DOT1L: variants seen among roughly 807,000 people sequenced by gnomAD.
The protein encoded by DOT1L is histone-lysine N-methyltransferase, H3 lysine-79 specific.
In DOT1L, 33 loss-of-function variants were observed where a neutral mutation model predicts 153.3. The ratio of observed to expected loss-of-function variants is 0.22; its 90% CI spans 0.16 to 0.29. The LOEUF is 0.29. Among genes scored for constraint, DOT1L ranks in the 10% least tolerant of loss-of-function variants. The pLI is 1.00. For synonymous variants in DOT1L, 1,135 were observed against 965.1 expected, an observed-to-expected ratio of 1.18 and a Z score of -3.26; for missense variants, 1,847 against 2,119.9, an observed-to-expected ratio of 0.87 and a Z score of 2.53.
chr19:2,202,966 G>A (rs1036013720), intron 9 of DOT1L, among the ~76,000 whole-genome samples, 187 bp downstream of exon 9: 1 of 152,170 alleles, frequency 6.6e-6, no homozygotes. Flanking sequence ...CTGTCACCCA[G>A]GCTGGAGTGT....
At chr19:2,227,670 GCTGCTGCT>G (rs1378083640) in intron 27 of DOT1L, 2 of 1,276,086 alleles carry the variant, frequency 1.6e-6, no homozygotes, top group African/African-American at 3.2e-5. Context: ...TGAGCCTGCG[GCTGCTGCT>G]CTGCGCTTGC....
At chr19:2,196,725 C>T (rs1355209750) in intron 7 of DOT1L, among the ~76,000 whole-genome samples, 2 of 152,188 alleles carry the variant, frequency 1.3e-5, no homozygotes, top group Non-Finnish European at 2.9e-5. Flanking sequence ...CTCCCTTTCC[C>T]GTACCCTCGT....
chr19:2,201,585 G>A (rs182297229), intron 8 of DOT1L, among the ~76,000 whole-genome samples: 157 of 152,336 alleles, frequency 1.0e-3, no homozygotes, highest in African/African-American at 3.3e-3. Flanking sequence ...TTGGGGTGCT[G>A]TGCCCGCCGG....
At chr19:2,216,217 C>G in intron 19 of DOT1L, 64 bp from the exon 20 acceptor site, 1 of 1,503,800 alleles carries the variant, frequency 6.6e-7, no homozygotes, top group Non-Finnish European at 8.9e-7. Flanking sequence ...CCATCTGTGG[C>G]AGTCTTGGTT....
chr19:2,191,375 C>A lies in DOT1L; in HGVS notation c.493+135C>A. 1 of 906,164 alleles carries A rather than the reference C, an allele frequency of 1.1e-6. No homozygotes were observed. The highest frequency in any genetic ancestry group is 2.2e-5 in the Admixed American group (1 of 45,860). The allele number at this position is 906,164 out of a possible 1,614,324, so 56.1% of individuals were successfully genotyped here. A position where few individuals can be genotyped will look rare whatever the true frequency, so the allele number is the denominator to read the frequency against. ...TGGACAGTGCTTCCTTCTCCCAGCG[C>A]CTCTGTCCCGCTGTGGGGCCGTTCC... is the stretch of plus-strand genomic sequence containing the variant. On this transcript the variant is annotated intron_variant, in intron 5 of 27. Transcript: ENST00000398665. This position sits in a 1 kb window ranked among gnomAD's most constrained non-coding sequence, Gnocchi z 6.8.
chr19:2,201,675 G>A (rs996741160), intron 8 of DOT1L, among the ~76,000 whole-genome samples: 47 of 152,222 alleles, frequency 3.1e-4, no homozygotes, highest in African/African-American at 1.1e-3. Flanking sequence ...GAGCGCAGGG[G>A]GACCCGCAGT....
chr19:2,165,215 C>T (rs1568321063), intron 1 of DOT1L, among the ~76,000 whole-genome samples: 1 of 152,170 alleles, frequency 6.6e-6, no homozygotes, highest in Non-Finnish European at 1.5e-5. Flanking sequence ...CGAGCGTGTC[C>T]GGGGCGCGAG....
Position 2,220,280 on chromosome 19 carries a change from C to A in DOT1L, c.2806+58C>A. 2 of 1,534,690 alleles carry A rather than the reference C, an allele frequency of 1.3e-6. No individual in the cohort carries two copies. Among genetic ancestry groups the A allele is most frequent in the Non-Finnish European group, 1.8e-6 (2 of 1,128,244 alleles). ...TCTGCTGCTGCTGCTGCTCTTCAGG[C>A]AGGAGGGCTGGGTTGCTGGGAGTGG... On this transcript the variant is annotated intron_variant, in intron 23 of 27. Coordinates refer to ENST00000398665, the MANE Select transcript of DOT1L (RefSeq NM_032482.3). The surrounding 1 kb of genome is among the most constrained non-coding windows in gnomAD (Gnocchi z 4.5).
intron 16 of DOT1L, 185 bp downstream of exon 16, chr19:2,212,027 A>G: frequency 1.7e-6 from 1 of 585,272 alleles, no homozygotes; most frequent in Non-Finnish European, 3.0e-6. Context: ...AGAGACCCGG[A>G]AAACAGCGAA....
chr19:2,206,948 G>A (rs2023520318), intron 10 of DOT1L, 151 bp downstream of exon 10: 3 of 775,554 alleles, frequency 3.9e-6, no homozygotes, highest in Non-Finnish European at 6.5e-6. Flanking sequence ...AGGGTGCTGA[G>A]CAGCGTCCCT....
chr19:2,175,532 T>C (rs2021885922), intron 1 of DOT1L, among the ~76,000 whole-genome samples: 1 of 152,276 alleles, frequency 6.6e-6, no homozygotes, highest in Middle Eastern at 3.4e-3. Flanking sequence ...TATCATGTAA[T>C]TAAAAAATTG....
rs780117375 is a variant in DOT1L, at chr19:2,226,356, C to T, written c.3835C>T (p.Leu1279=). The T allele has an allele frequency of 6.3e-7, 1 of 1,593,742 alleles. No individual in the cohort carries two copies. Among genetic ancestry groups the T allele is most frequent in the South Asian group, 1.1e-5 (1 of 88,806 alleles). Residue 1279 remains leucine, a synonymous_variant, in exon 27 of 28, where the codon CTG becomes TTG. Coordinates refer to ENST00000398665, the MANE Select transcript of DOT1L (RefSeq NM_032482.3). ...QNSLFTFRPA[L]EEPSADAKLA... is the part of the protein sequence containing the mutation. ...CTCCCTGTTCACGTTCCGGCCCGCC[C>T]TGGAGGAGCCCTCTGCCGATGCCAA...
chr19:2,223,599 T>TGC (rs2024215099), intron 25 of DOT1L, 113 bp downstream of exon 25: 2 of 1,144,198 alleles, frequency 1.7e-6, no homozygotes, highest in Non-Finnish European at 2.4e-6. Context: ...TCTTAGGGGG[T>TGC]GCCCTGGATG....
At position 2,218,638 on chromosome 19, in the gene DOT1L, C is replaced by T. The variant is rs1179903793; in HGVS notation, c.2691+720C>T. Among the ~76,000 whole-genome samples the T allele has an allele frequency of 7.9e-5, 12 of 152,094 alleles. No homozygotes were observed. In the East Asian group the frequency reaches 2.3e-3, roughly 30 times the overall value. The stretch of plus-strand genomic sequence containing the variant: ...TTGATCTCCTGACCTAGTGATCCGC[C>T]CGCCTGGGCCTCCCAAAGTGCTGGG... On this transcript the variant is annotated intron_variant, in intron 22 of 27. Transcript: ENST00000398665.
At chr19:2,177,686 T>C (rs1466814522) in intron 1 of DOT1L, among the ~76,000 whole-genome samples, 1 of 152,148 alleles carries the variant, frequency 6.6e-6, no homozygotes, top group Admixed American at 6.5e-5. Flanking sequence ...CTGCAAGTTC[T>C]GCCTGCTCCC....
chr19:2,185,144 T>C (rs904830203), intron 2 of DOT1L, among the ~76,000 whole-genome samples: 6 of 152,198 alleles, frequency 3.9e-5, no homozygotes, highest in African/African-American at 1.2e-4. Flanking sequence ...GACCTCGTGA[T>C]CTGCCCACCT....
At chr19:2,186,906 G>C (rs978287824) in intron 3 of DOT1L, among the ~76,000 whole-genome samples, 5 of 152,222 alleles carry the variant, frequency 3.3e-5, no homozygotes, top group Non-Finnish European at 5.9e-5. Context: ...GTGATGCAGC[G>C]TGCAGATCAA....
intron 2 of DOT1L, among the ~76,000 whole-genome samples, chr19:2,184,902 G>A (rs2022419971): frequency 6.6e-6 from 1 of 152,138 alleles, no homozygotes; most frequent in African/African-American, 2.4e-5. Flanking sequence ...GGGGTGTGTT[G>A]GTCAGGGATG....
chr19:2,228,303 C>A (rs779997583), intron 27 of DOT1L: 1 of 1,349,940 alleles, frequency 7.4e-7, no homozygotes, highest in Non-Finnish European at 9.9e-7. Context: ...CCTCGGCATG[C>A]CGCCTCCCTA....
Sources: allele counts gnomAD v4.1 joint callset (sites outside exome capture counted in the v4.1 genomes callset), GRCh38; gene constraint gnomAD v4.1.1; non-coding constraint Gnocchi (gnomAD v3.1); transcripts MANE v1.5; gene names NCBI Gene and HGNC (gene_info 2026-07-23, HGNC 2026-07-21).